TMEM108: variants seen among roughly 807,000 people sequenced by gnomAD.
The protein encoded by TMEM108 is transmembrane protein 108, also known as cancer/testis antigen 124.
A neutral mutation model predicts 35.1 loss-of-function variants in TMEM108; 12 were observed. The ratio of observed to expected loss-of-function variants is 0.34; its 90% confidence interval spans 0.22 to 0.55. The LOEUF (loss-of-function observed/expected upper bound fraction) is 0.55, where lower values mean the gene tolerates loss of function less well. Among genes scored for constraint, TMEM108 ranks in the 20% least tolerant of loss-of-function variants. The pLI is 0.89. For missense variants in TMEM108, 680 were observed against 753.3 expected (o/e 0.90, Z 1.14); for synonymous variants, 287 against 308.6 (o/e 0.93, Z 0.73).
At chr3:133,275,106 G>A (rs567403177) in intron 3 of TMEM108, among the ~76,000 whole-genome samples, 7 of 152,212 alleles carry the variant, frequency 4.6e-5, no homozygotes, top group Admixed American at 2.0e-4. Context: ...GGGAAAGAGC[G>A]CTAGATCAGG....
chr3:133,052,072 G>C (rs986180463), intron 2 of TMEM108, among the ~76,000 whole-genome samples: 1 of 152,240 alleles, frequency 6.6e-6, no homozygotes, highest in East Asian at 1.9e-4. Flanking sequence ...TGATTCTACA[G>C]ATCGAATTGA....
At chr3:133,183,199 A>G (rs184120975) in intron 2 of TMEM108, among the ~76,000 whole-genome samples, 71 of 152,328 alleles carry the variant, frequency 4.7e-4, no homozygotes, top group Non-Finnish European at 9.3e-4. Flanking sequence ...CTCAACCTAT[A>G]GTTGGGAATG....
intron 3 of TMEM108, among the ~76,000 whole-genome samples, chr3:133,266,208 G>GTTGT (rs1213495478): frequency 1.3e-5 from 2 of 151,716 alleles, no homozygotes; most frequent in Non-Finnish European, 2.9e-5. Context: ...TTTTGTTGCT[G>GTTGT]TTGTTTGTTT....
rs112193862 is a variant in TMEM108, at chr3:133,118,664, C to T, written c.-47+72644C>T. ...GATGCATTTAAAACTGCACTTGACA[C>T]CTGAAAAATCACTGTCCCAGAAGCT... is the stretch of plus-strand genomic sequence containing the variant. On this transcript the variant is annotated intron_variant, in intron 2 of 5. Coordinates refer to ENST00000321871, the MANE Select transcript of TMEM108 (RefSeq NM_023943.4). Among the ~76,000 whole-genome samples the T allele has an allele frequency of 2.9e-3, 437 of 152,246 alleles. 2 individuals are homozygous for T. Among genetic ancestry groups the T allele is most frequent in the African/African-American group, 0.01 (425 of 41,540 alleles).
intron 3 of TMEM108, among the ~76,000 whole-genome samples, chr3:133,269,434 G>C (rs1429203598): frequency 1.3e-5 from 2 of 152,130 alleles, no homozygotes; most frequent in African/African-American, 2.4e-5. Context: ...CTCCAGGCAT[G>C]AACCGTTGTC....
chr3:133,243,020 C>CCCAGGGAAGCAATACTGTG (rs1946334259), intron 3 of TMEM108, among the ~76,000 whole-genome samples: 1 of 152,202 alleles, frequency 6.6e-6, no homozygotes, highest in Admixed American at 6.5e-5. Context: ...CCAAGAATCA[C>CCCAGGGAAGCAATACTGTG]CCAGGGAAGC....
At chr3:133,086,614 T>C (rs914858194) in intron 2 of TMEM108, among the ~76,000 whole-genome samples, 10 of 152,166 alleles carry the variant, frequency 6.6e-5, no homozygotes, top group African/African-American at 2.4e-4. Context: ...GGCCCTCTCT[T>C]TATTAGATGA....
chr3:133,191,086 T>C (rs1945491308), intron 2 of TMEM108, among the ~76,000 whole-genome samples: 1 of 152,326 alleles, frequency 6.6e-6, no homozygotes, highest in South Asian at 2.1e-4. Flanking sequence ...AAATCATTTT[T>C]CATTAAAGTT....
chr3:133,108,931 A>T (rs903581770), intron 2 of TMEM108, among the ~76,000 whole-genome samples: 5 of 152,024 alleles, frequency 3.3e-5, no homozygotes, highest in Non-Finnish European at 5.9e-5. Context: ...GCACATGTAT[A>T]CATATGTAAC....
At chr3:133,311,562 C>T (rs555518699) in intron 3 of TMEM108, among the ~76,000 whole-genome samples, 1 of 152,322 alleles carries the variant, frequency 6.6e-6, no homozygotes, top group African/African-American at 2.4e-5. Context: ...TCAGCTCCAT[C>T]AGGTCATTTA....
intron 2 of TMEM108, among the ~76,000 whole-genome samples, chr3:133,180,387 A>G (rs948750691): frequency 6.6e-6 from 1 of 152,124 alleles, no homozygotes; most frequent in African/African-American, 2.4e-5. Flanking sequence ...TTTTTCTGGA[A>G]GAAGGCCTCA....
intron 4 of TMEM108, among the ~76,000 whole-genome samples, chr3:133,381,433 A>G (rs2073010509): frequency 7.0e-6 from 1 of 143,240 alleles, no homozygotes; most frequent in Admixed American, 6.7e-5. Context: ...CATTTTGCAG[A>G]AAAAAAATGC....
At chr3:133,279,164 A>G (rs1192919324) in intron 3 of TMEM108, among the ~76,000 whole-genome samples, 1 of 152,238 alleles carries the variant, frequency 6.6e-6, no homozygotes, top group Admixed American at 6.5e-5. Flanking sequence ...CAAAGTAAGC[A>G]CTTGCACTTA....
At chr3:133,163,689 A>G (rs979422182) in intron 2 of TMEM108, among the ~76,000 whole-genome samples, 1 of 152,172 alleles carries the variant, frequency 6.6e-6, no homozygotes, top group Non-Finnish European at 1.5e-5. Flanking sequence ...CTTGAAGACT[A>G]TGGAGAGAGG....
At chr3:133,195,999 G>T (rs993387628) in intron 2 of TMEM108, among the ~76,000 whole-genome samples, 3 of 152,172 alleles carry the variant, frequency 2.0e-5, no homozygotes, top group Admixed American at 2.0e-4. Context: ...TTTGCTATCT[G>T]ACAGTTCTTT....
chr3:133,098,502 A>G (rs1944045412), intron 2 of TMEM108, among the ~76,000 whole-genome samples: 1 of 152,094 alleles, frequency 6.6e-6, no homozygotes, highest in Non-Finnish European at 1.5e-5. Context: ...CAGTCCCCCA[A>G]AGTCTTAACT....
chr3:133,108,907 A>G (rs1307777804), intron 2 of TMEM108, among the ~76,000 whole-genome samples: 1 of 151,950 alleles, frequency 6.6e-6, no homozygotes, highest in African/African-American at 2.4e-5. Context: ...TAATGGGTGC[A>G]GCACACCAAC....
chr3:133,202,595 ATGGT>A (rs1945686647), intron 2 of TMEM108, among the ~76,000 whole-genome samples: 1 of 152,104 alleles, frequency 6.6e-6, no homozygotes, highest in South Asian at 2.1e-4. Flanking sequence ...CAAAGATCAG[ATGGT>A]TGTAGATGTG....
At chr3:133,367,353 G>T (rs950180312) in intron 3 of TMEM108, among the ~76,000 whole-genome samples, 1 of 152,190 alleles carries the variant, frequency 6.6e-6, no homozygotes. Context: ...TGGGGAGGGT[G>T]GTAGATAGTG....
Sources: allele counts gnomAD v4.1 joint callset (sites outside exome capture counted in the v4.1 genomes callset), GRCh38; gene constraint gnomAD v4.1.1; transcripts MANE v1.5; gene names NCBI Gene and HGNC (gene_info 2026-07-23, HGNC 2026-07-21).